Variants in PEAK1 observed in about 807,000 individuals in gnomAD.
The protein encoded by PEAK1 is pseudopodium enriched atypical kinase 1.
PEAK1 carries 54 observed loss-of-function variants against 124.7 expected under a neutral mutation model. The ratio of observed to expected loss-of-function variants is 0.43; its 90% CI spans 0.35 to 0.54. The LOEUF is 0.54. Among genes scored for constraint, PEAK1 ranks in the 20% least tolerant of loss-of-function variants. PEAK1 has a pLI of 0.01. For synonymous variants in PEAK1, 719 were observed against 760.0 expected (o/e 0.95, Z 0.89); for missense variants, 2,046 against 2,134.5 (o/e 0.96, Z 0.82).
At position 77,193,665 on chromosome 15, in the gene PEAK1, A is replaced by C. The variant is rs540270636; in HGVS notation, c.-114-11625T>G. Among the ~76,000 whole-genome samples the C allele has an allele frequency of 4.7e-3, 713 of 152,252 alleles. 4 individuals are homozygous for C. The highest frequency in any genetic ancestry group is 0.016 in the African/African-American group (661 of 41,556). On this transcript the variant is annotated intron_variant, in intron 6 of 9. Coordinates refer to ENST00000682557, the MANE Select transcript of PEAK1 (RefSeq NM_001385026.1). ...CTAAAAATACAAAAATTAGCTGTGCACAGTGGTGCGCGCTTGTAATCCCAG... is the reference window on the plus strand; with the variant it reads ...CTAAAAATACAAAAATTAGCTGTGCCCAGTGGTGCGCGCTTGTAATCCCAG...
At chr15:77,348,534 T>A in intron 2 of PEAK1, 1 of 962,722 alleles carries the variant, frequency 1.0e-6, no homozygotes, top group Non-Finnish European at 1.2e-6. Context: ...ATTTTACCTA[T>A]GAAGAAATAA....
At chr15:77,391,611 C>G (rs1777993946) in intron 1 of PEAK1, among the ~76,000 whole-genome samples, 1 of 151,448 alleles carries the variant, frequency 6.6e-6, no homozygotes, top group Non-Finnish European at 1.5e-5. Context: ...CTGGCTCAGG[C>G]TAAGATAACA....
intron 5 of PEAK1, among the ~76,000 whole-genome samples, chr15:77,254,258 TA>T (rs971029820): frequency 7.3e-5 from 11 of 151,562 alleles, no homozygotes; most frequent in South Asian, 2.1e-4. Context: ...ACTTATTTCT[TA>T]AAAAAAAATT....
intron 2 of PEAK1, chr15:77,335,463 C>T (rs2066141046): frequency 1.0e-6 from 1 of 985,204 alleles, no homozygotes; most frequent in Non-Finnish European, 1.2e-6. Flanking sequence ...ATTCTTATCA[C>T]TATACATCAC....
At chr15:77,296,737 A>T (rs1232226678) in intron 2 of PEAK1, among the ~76,000 whole-genome samples, 1 of 151,900 alleles carries the variant, frequency 6.6e-6, no homozygotes, top group East Asian at 1.9e-4. Flanking sequence ...ATCCTAGGGC[A>T]GATTATTAAC....
chr15:77,200,387 T>C (rs971315517), intron 6 of PEAK1, among the ~76,000 whole-genome samples: 2 of 152,190 alleles, frequency 1.3e-5, no homozygotes, highest in East Asian at 1.9e-4. Flanking sequence ...AAAAGTTATA[T>C]GCAGATTTTT....
At chr15:77,204,327 G>T (rs571513238) in intron 6 of PEAK1, among the ~76,000 whole-genome samples, 6 of 152,198 alleles carry the variant, frequency 3.9e-5, no homozygotes, top group Admixed American at 6.5e-5. Context: ...CCCTTTGGAA[G>T]ACAGTATGGC....
intron 1 of PEAK1, among the ~76,000 whole-genome samples, chr15:77,411,813 C>T (rs1203754039): frequency 2.6e-5 from 4 of 152,016 alleles, no homozygotes; most frequent in Admixed American, 1.3e-4. Flanking sequence ...GGGTGGGTCT[C>T]ACTACCCAGG....
chr15:77,211,420 C>T (rs2058898911), intron 6 of PEAK1, among the ~76,000 whole-genome samples: 1 of 152,056 alleles, frequency 6.6e-6, no homozygotes, highest in Non-Finnish European at 1.5e-5. Flanking sequence ...GGTTCTACGG[C>T]TCCACTAAGA....
In PEAK1 at chr15:77,181,918, A is replaced by C; in HGVS notation, c.9T>G (p.Ala3=). 6.5e-7 allele frequency: 1 copy of C among 1,549,884 alleles called. No individual in the cohort carries two copies. Among genetic ancestry groups the C allele is most frequent in the African/African-American group, 1.4e-5 (1 of 72,368 alleles). The stretch of plus-strand genomic sequence containing the variant: ...AAACATGTTCAGTAAAGGTGTTACA[A>C]GCAGACATTTTTAAAAATAGAACTT... MS[A]CNTFTEHVWK... is the part of the protein sequence containing the mutation. Residue 3 remains alanine, a synonymous_variant, in exon 7 of 10, where the codon GCT becomes GCG. Coordinates refer to ENST00000682557, the MANE Select transcript of PEAK1 (RefSeq NM_001385026.1).
intron 6 of PEAK1, among the ~76,000 whole-genome samples, chr15:77,249,124 TTAC>T (rs1413116777): frequency 6.6e-6 from 1 of 152,082 alleles, no homozygotes; most frequent in Non-Finnish European, 1.5e-5. Flanking sequence ...GCCTGGCCTA[TTAC>T]TACTATTGAA....
chr15:77,208,678 CA>C (rs2058772242), intron 6 of PEAK1, among the ~76,000 whole-genome samples: 1 of 151,766 alleles, frequency 6.6e-6, no homozygotes, highest in Admixed American at 6.6e-5. Flanking sequence ...GAAAATGAAA[CA>C]AAAAAACCAA....
chr15:77,231,485 T>C (rs929212649), intron 6 of PEAK1, among the ~76,000 whole-genome samples: 1 of 152,212 alleles, frequency 6.6e-6, no homozygotes. Context: ...AAAGTTTTAC[T>C]GAGAACAAGT....
At chr15:77,267,951 TA>T (rs35127488) in intron 5 of PEAK1, among the ~76,000 whole-genome samples, 1 of 148,962 alleles carries the variant, frequency 6.7e-6, no homozygotes, top group South Asian at 2.1e-4. Context: ...GTCCAAGAAA[TA>T]AAAAAAAATG....
chr15:77,266,493 G>C (rs1024783680), intron 5 of PEAK1, among the ~76,000 whole-genome samples: 1 of 151,954 alleles, frequency 6.6e-6, no homozygotes, highest in Non-Finnish European at 1.5e-5. Context: ...CCCCTGCCAG[G>C]ATACTATTTA....
chr15:77,361,727 T>C (rs1004322317), intron 2 of PEAK1, among the ~76,000 whole-genome samples: 2 of 152,180 alleles, frequency 1.3e-5, no homozygotes, highest in Non-Finnish European at 2.9e-5. Context: ...CTACAGTGAA[T>C]CTATCCAAAG....
At chr15:77,153,551 T>C (rs2054850479) in intron 8 of PEAK1, among the ~76,000 whole-genome samples, 1 of 152,214 alleles carries the variant, frequency 6.6e-6, no homozygotes, top group South Asian at 2.1e-4. Flanking sequence ...TGCTCTTGCT[T>C]TTCTAGTTCT....
chr15:77,295,713 A>G (rs1042304162), intron 2 of PEAK1, among the ~76,000 whole-genome samples: 3 of 152,222 alleles, frequency 2.0e-5, no homozygotes, highest in Non-Finnish European at 4.4e-5. Context: ...CTTATCTTAT[A>G]GTTGCGGAAC....
chr15:77,165,261 C>T (rs1002011252), intron 7 of PEAK1, among the ~76,000 whole-genome samples: 1 of 149,170 alleles, frequency 6.7e-6, no homozygotes, highest in African/African-American at 2.5e-5. Context: ...GTGGCACGAA[C>T]TCAGCTCACT....
Sources: allele counts gnomAD v4.1 joint callset (sites outside exome capture counted in the v4.1 genomes callset), GRCh38; gene constraint gnomAD v4.1.1; transcripts MANE v1.5; gene names NCBI Gene and HGNC (gene_info 2026-07-23, HGNC 2026-07-21).